Variants in WDR64 observed in about 807,000 individuals in gnomAD.
WDR64 encodes the protein WD repeat domain 64.
Under a neutral mutation model 139.3 loss-of-function variants are expected in WDR64, and 112 were observed. That is an observed-to-expected ratio of 0.80 (90% CI 0.69 to 0.94). The LOEUF is 0.94. WDR64 is among the 40% of genes least tolerant of loss of function. The pLI is 0.00. For missense variants in WDR64, 1,206 were observed against 1,293.1 expected, an observed-to-expected ratio of 0.93 and a Z score of 1.03; for synonymous variants, 444 against 437.7, an observed-to-expected ratio of 1.01 and a Z score of -0.18.
intron 9 of WDR64, among the ~76,000 whole-genome samples, chr1:241,715,058 T>C (rs1161389006): frequency 6.6e-6 from 1 of 152,156 alleles, no homozygotes; most frequent in Non-Finnish European, 1.5e-5. Flanking sequence ...AAAACATTAA[T>C]TGTCCACAAA....
At chr1:241,767,397 G>A (rs375858035) in intron 16 of WDR64, among the ~76,000 whole-genome samples, 4 of 151,840 alleles carry the variant, frequency 2.6e-5, no homozygotes, top group African/African-American at 9.7e-5. Flanking sequence ...GATTTGTTTG[G>A]ATGGATTGTA....
intron 14 of WDR64, among the ~76,000 whole-genome samples, chr1:241,756,334 G>C (rs1670190309): frequency 6.6e-6 from 1 of 152,130 alleles, no homozygotes; most frequent in Non-Finnish European, 1.5e-5. Flanking sequence ...CTGTGAATGG[G>C]ACTTCACTCA....
chr1:241,657,957 T>C (rs954303875), intron 1 of WDR64, among the ~76,000 whole-genome samples: 16 of 152,196 alleles, frequency 1.1e-4, no homozygotes, highest in Non-Finnish European at 2.2e-4. Context: ...TATACACAGG[T>C]AACCACTGAT....
Position 241,801,881 on chromosome 1 carries a change from G to T in WDR64, c.*666G>T, listed in dbSNP as rs1457173636. ...TCAATAATTATGAAACCTTTAATAGGTTAAAGTATGCAAGTTTAAAAGGTT... is the reference window on the plus strand; with the variant it reads ...TCAATAATTATGAAACCTTTAATAGTTTAAAGTATGCAAGTTTAAAAGGTT... On this transcript the variant is annotated 3_prime_UTR_variant, in exon 28 of 28. Transcript: ENST00000437684. The T allele has an allele frequency of 2.5e-6, 1 of 397,746 alleles. No homozygotes were observed. The highest frequency in any genetic ancestry group is 4.4e-5 in the Admixed American group (1 of 22,680). The allele number at this position is 397,746 out of a possible 1,614,324, so 24.6% of individuals were successfully genotyped here.
chr1:241,704,612 A>G (rs558024868), intron 8 of WDR64, among the ~76,000 whole-genome samples: 2 of 152,332 alleles, frequency 1.3e-5, no homozygotes, highest in South Asian at 4.1e-4. Flanking sequence ...GGCTCCTATC[A>G]TTATTTTTTA....
At chr1:241,792,406 T>G (rs190138984) in intron 25 of WDR64, among the ~76,000 whole-genome samples, 3 of 151,944 alleles carry the variant, frequency 2.0e-5, no homozygotes, top group East Asian at 1.9e-4. Context: ...CGTGGTGGTG[T>G]GCACCTGTAG....
At position 241,753,010 on chromosome 1, in the gene WDR64, C is replaced by T. The variant is rs112909730; in HGVS notation, c.1770+3288C>T. ...ATCCCACAATGGCACAAACTGTAAA[C>T]AAAGAATCCACCAGTACGTAGGAGT... On this transcript the variant is annotated intron_variant, in intron 14 of 27. Coordinates refer to ENST00000437684, the MANE Select transcript of WDR64 (RefSeq NM_001367482.1). 5.4e-3 allele frequency among the ~76,000 whole-genome samples: 829 copies of T among 152,260 alleles called. 6 individuals carry two copies. The highest frequency in any genetic ancestry group is 0.019 in the African/African-American group (792 of 41,552).
intron 15 of WDR64, among the ~76,000 whole-genome samples, chr1:241,765,460 A>T (rs1658110382): frequency 6.6e-6 from 1 of 152,224 alleles, no homozygotes. Context: ...GGTACCAAGT[A>T]GGAAACAGAA....
intron 23 of WDR64, among the ~76,000 whole-genome samples, 167 bp from the exon 24 acceptor site, chr1:241,787,682 A>T (rs1339871707): frequency 6.6e-6 from 1 of 151,132 alleles, no homozygotes; most frequent in Non-Finnish European, 1.5e-5. Context: ...AAAAAAAAAA[A>T]GTTTACATTA....
chr1:241,795,711 C>A (rs190498944), intron 26 of WDR64, among the ~76,000 whole-genome samples: 2 of 152,246 alleles, frequency 1.3e-5, no homozygotes, highest in East Asian at 3.9e-4. Context: ...TGCCCCCCTG[C>A]CCAGAATTCA....
chr1:241,696,074 A>G (rs1229215086), intron 8 of WDR64, among the ~76,000 whole-genome samples: 3 of 130,396 alleles, frequency 2.3e-5, no homozygotes, highest in Non-Finnish European at 3.1e-5. Context: ...TGAGCACACC[A>G]CTGTACTCCA....
At chr1:241,705,658 G>A (rs947325850) in intron 8 of WDR64, among the ~76,000 whole-genome samples, 2 of 151,910 alleles carry the variant, frequency 1.3e-5, no homozygotes, top group East Asian at 3.9e-4. Flanking sequence ...CATGATTATA[G>A]CTCATTGCAC....
At chr1:241,718,504 G>T (rs541164178) in intron 9 of WDR64, among the ~76,000 whole-genome samples, 2 of 152,204 alleles carry the variant, frequency 1.3e-5, no homozygotes, top group African/African-American at 4.8e-5. Context: ...AGAGAAGGGG[G>T]AGCATAGATT....
At chr1:241,675,019 T>C (rs1324474933) in intron 4 of WDR64, among the ~76,000 whole-genome samples, 3 of 36,612 alleles carry the variant, frequency 8.2e-5, no homozygotes, top group Admixed American at 2.3e-4. Context: ...CTTCCTTTCT[T>C]CTTCCTTCCC....
intron 10 of WDR64, among the ~76,000 whole-genome samples, chr1:241,735,286 A>G (rs7539331): frequency 0.16 from 23,989 of 152,064 alleles, 2,222 homozygotes; most frequent in East Asian, 0.28. Context: ...CGCAGCGCAT[A>G]TTATTTGTCT....
intron 14 of WDR64, among the ~76,000 whole-genome samples, chr1:241,755,278 G>GCC (rs1670141061): frequency 1.3e-5 from 2 of 152,160 alleles, no homozygotes. Flanking sequence ...GGCATGAGAT[G>GCC]GTGTCTCTTT....
chr1:241,691,191 A>G (rs1667263124), intron 8 of WDR64, among the ~76,000 whole-genome samples: 1 of 152,214 alleles, frequency 6.6e-6, no homozygotes, highest in Admixed American at 6.5e-5. Flanking sequence ...AGAAAATGAA[A>G]TCATGTAAAG....
chr1:241,787,329 A>C (rs1448686150), intron 23 of WDR64, among the ~76,000 whole-genome samples: 2 of 146,886 alleles, frequency 1.4e-5, no homozygotes, highest in Non-Finnish European at 3.0e-5. Context: ...GCACCACTGC[A>C]CTACAGCCTG....
chr1:241,717,622 AAAAAAAAAGAAAG>A (rs1668454195), intron 9 of WDR64, among the ~76,000 whole-genome samples: 1 of 67,722 alleles, frequency 1.5e-5, no homozygotes. Context: ...GCAGAAAAGA[AAAAAAAAAGAAAG>A]AAAAAATAGA....
Sources: allele counts gnomAD v4.1 joint callset (sites outside exome capture counted in the v4.1 genomes callset), GRCh38; gene constraint gnomAD v4.1.1; transcripts MANE v1.5; gene names NCBI Gene and HGNC (gene_info 2026-07-23, HGNC 2026-07-21).